The following UBE2H variants were observed in gnomAD, a reference collection of about 807,000 sequenced individuals.
UBE2H encodes the protein ubiquitin conjugating enzyme E2 H, also known as ubiquitin-conjugating enzyme E2 H.
In UBE2H, 3 loss-of-function variants were observed where a neutral mutation model predicts 29.0. That is an observed-to-expected ratio of 0.10 (90% confidence interval 0.05 to 0.27). The LOEUF is 0.27. UBE2H is among the 10% of genes least tolerant of loss of function. The pLI is 1.00. For synonymous variants in UBE2H, 69 were observed against 82.9 expected, an observed-to-expected ratio of 0.83 and a Z score of 0.91; for missense variants, 68 against 228.2, an observed-to-expected ratio of 0.30 and a Z score of 4.52.
chr7:129,915,508 T>C (rs193013812), intron 1 of UBE2H, among the ~76,000 whole-genome samples: 41 of 152,290 alleles, frequency 2.7e-4, no homozygotes, highest in African/African-American at 8.9e-4. Context: ...CACTCCAGCC[T>C]GGGTGACAGA....
intron 1 of UBE2H, among the ~76,000 whole-genome samples, chr7:129,886,771 A>ATTTTTTTGGT (rs1300394608): frequency 1.6e-3 from 163 of 104,884 alleles, no homozygotes; most frequent in Middle Eastern, 4.5e-3. Context: ...TTTTGGTAAA[A>ATTTTTTTGGT]AAAAAAAAAA....
chr7:129,911,489 T>C (rs1368869210), intron 1 of UBE2H, among the ~76,000 whole-genome samples: 1 of 152,042 alleles, frequency 6.6e-6, no homozygotes, highest in Non-Finnish European at 1.5e-5. Context: ...TAGTAAGAGT[T>C]TGGAAGAAAT....
At chr7:129,933,668 T>C (rs1405900748) in intron 1 of UBE2H, among the ~76,000 whole-genome samples, 12 of 152,312 alleles carry the variant, frequency 7.9e-5, no homozygotes, top group South Asian at 2.1e-4. Flanking sequence ...TTCCCCATCA[T>C]TGGAGGAAGA....
At chr7:129,885,941 C>T (rs1305111812) in intron 1 of UBE2H, among the ~76,000 whole-genome samples, 1 of 152,172 alleles carries the variant, frequency 6.6e-6, no homozygotes, top group African/African-American at 2.4e-5. Context: ...TCTTTCTCCT[C>T]TCTGCTGCAA....
intron 1 of UBE2H, among the ~76,000 whole-genome samples, chr7:129,900,769 G>A (rs917211212): frequency 1.8e-5 from 1 of 55,936 alleles, no homozygotes; most frequent in Non-Finnish European, 3.6e-5. Flanking sequence ...TTTTTTTTTT[G>A]AGACAGAGTC....
At position 129,871,359 on chromosome 7, in the gene UBE2H, A is replaced by AT. The variant is rs201093784; in HGVS notation, c.205+8208dup. Reference sequence around the variant, plus strand: ...TATTCTCATAGCATTATCTCTATTTATTTTTTTACAAAACCTTCCTTACTT... The same window carrying AT: ...TATTCTCATAGCATTATCTCTATTTATTTTTTTTACAAAACCTTCCTTACTT... On this transcript the variant is annotated intron_variant, in intron 3 of 6. Coordinates refer to ENST00000355621, the MANE Select transcript of UBE2H (RefSeq NM_003344.4). Among the ~76,000 whole-genome samples, 1,286 of 152,262 alleles carry AT rather than the reference A, an allele frequency of 8.4e-3. 5 individuals are homozygous for AT. The highest frequency in any genetic ancestry group is 0.014 in the Middle Eastern group (4 of 294).
At chr7:129,904,376 T>C (rs1806775480) in intron 1 of UBE2H, among the ~76,000 whole-genome samples, 1 of 152,144 alleles carries the variant, frequency 6.6e-6, no homozygotes, top group African/African-American at 2.4e-5. Flanking sequence ...TGCCTTGGCC[T>C]TCCAAAGTGC....
At chr7:129,835,573 CT>C in intron 6 of UBE2H, among the ~76,000 whole-genome samples, 1 of 152,286 alleles carries the variant, frequency 6.6e-6, no homozygotes, top group African/African-American at 2.4e-5. Flanking sequence ...AAAACCATCG[CT>C]CAATCTGCTC....
intron 1 of UBE2H, among the ~76,000 whole-genome samples, chr7:129,938,738 T>C (rs1807582906): frequency 6.6e-6 from 1 of 150,998 alleles, no homozygotes; most frequent in Non-Finnish European, 1.5e-5. Context: ...ACCCAAACTG[T>C]CCAAGATTCC....
intron 1 of UBE2H, among the ~76,000 whole-genome samples, chr7:129,892,409 G>A (rs543418752): frequency 2.0e-5 from 3 of 151,830 alleles, no homozygotes; most frequent in Non-Finnish European, 4.4e-5. Flanking sequence ...ACACCACCAC[G>A]CCCGGCTAAT....
intron 3 of UBE2H, among the ~76,000 whole-genome samples, chr7:129,859,370 G>T (rs1354978275): frequency 1.3e-5 from 2 of 152,122 alleles, no homozygotes; most frequent in Non-Finnish European, 2.9e-5. Context: ...TCACTTACTG[G>T]TATCACTTGG....
intron 2 of UBE2H, 120 bp downstream of exon 2, chr7:129,880,775 T>G: frequency 1.4e-6 from 1 of 737,454 alleles, no homozygotes; most frequent in Non-Finnish European, 2.2e-6. Flanking sequence ...TCACTGGTTC[T>G]GCAGTCCAAC....
intron 1 of UBE2H, 34 bp downstream of exon 1, chr7:129,952,467 CCA>C: frequency 6.2e-7 from 1 of 1,607,830 alleles, no homozygotes; most frequent in Non-Finnish European, 8.5e-7. Flanking sequence ...ACACCGCCCC[CCA>C]CACACAGCCC....
At position 129,833,781 on chromosome 7, in the gene UBE2H, A is replaced by AATTT. The variant is rs1805273134; in HGVS notation, c.*1155_*1156insAAAT. The stretch of plus-strand genomic sequence containing the variant: ...AAATTTAGAACCTGTGTTGGGTCTA[A>AATTT]AATACCCATTTCCCACTCCCACAAG... On this transcript the variant is annotated 3_prime_UTR_variant, in exon 7 of 7. Coordinates refer to ENST00000355621, the MANE Select transcript of UBE2H (RefSeq NM_003344.4). The AATTT allele has an allele frequency of 6.6e-6, 1 of 152,084 alleles. No homozygotes were observed. The highest frequency in any genetic ancestry group is 2.1e-4 in the South Asian group (1 of 4,830). The allele number at this position is 152,084 out of a possible 1,614,324, so 9.4% of individuals were successfully genotyped here.
chr7:129,922,525 C>T (rs887332314), intron 1 of UBE2H, among the ~76,000 whole-genome samples: 2 of 152,164 alleles, frequency 1.3e-5, no homozygotes, highest in Admixed American at 6.6e-5. Flanking sequence ...GATCCACCCG[C>T]CTCGGCTTCT....
rs369901584 is a variant in UBE2H at position 129,871,713 on chromosome 7, C to CAA, written c.205+7853_205+7854dup. Reference sequence around the variant, plus strand: ...TGCACAACAGAACAAGACTCTGTATCAAAAAAAAAAAAAAAAGATATAGAT... The same window carrying CAA: ...TGCACAACAGAACAAGACTCTGTATCAAAAAAAAAAAAAAAAAAGATATAGAT... On this transcript the variant is annotated intron_variant, in intron 3 of 6. Coordinates refer to ENST00000355621, the MANE Select transcript of UBE2H (RefSeq NM_003344.4). Among the ~76,000 whole-genome samples the CAA allele has an allele frequency of 7.1e-3, 880 of 124,376 alleles. 3 individuals carry two copies. The highest frequency in any genetic ancestry group is 9.6e-3 in the Non-Finnish European group (554 of 57,710). The allele number at this position is 124,376 out of a possible 152,430, so 81.6% of individuals were successfully genotyped here.
At chr7:129,901,974 G>C (rs1335692888) in intron 1 of UBE2H, among the ~76,000 whole-genome samples, 1 of 152,148 alleles carries the variant, frequency 6.6e-6, no homozygotes, top group Admixed American at 6.6e-5. Flanking sequence ...GGAGAGAGAA[G>C]AACAATGTGG....
chr7:129,836,757 G>A (rs1164625190), intron 6 of UBE2H, among the ~76,000 whole-genome samples: 1 of 151,924 alleles, frequency 6.6e-6, no homozygotes, highest in East Asian at 1.9e-4. Context: ...GCACATGCCT[G>A]TAATCCCAGC....
intron 6 of UBE2H, among the ~76,000 whole-genome samples, chr7:129,837,044 G>A (rs1264848456): frequency 6.6e-6 from 1 of 152,094 alleles, no homozygotes; most frequent in Admixed American, 6.6e-5. Flanking sequence ...CCAGTGCTAC[G>A]GGCTATCCAA....
Sources: gnomAD v4.1 joint callset for allele counts (sites outside exome capture counted in the v4.1 genomes callset) on GRCh38, gnomAD v4.1.1 for gene constraint, MANE v1.5 for transcripts, NCBI Gene and HGNC (gene_info 2026-07-23, HGNC 2026-07-21) for gene names.